The following SMYD3 variants were observed in gnomAD, a reference collection of about 807,000 sequenced individuals.
The protein encoded by SMYD3 is SET and MYND domain containing 3, also known as histone-lysine N-methyltransferase SMYD3.
In SMYD3, 36 loss-of-function variants were observed where a neutral mutation model predicts 57.7. That is an observed-to-expected ratio of 0.62 (90% CI 0.48 to 0.82). SMYD3 has a LOEUF of 0.82. Ranked by LOEUF, SMYD3 falls within the 40% of genes least tolerant of loss-of-function variation. SMYD3 has a pLI of 0.00. For synonymous variants in SMYD3, 211 were observed against 195.0 expected (o/e 1.08, Z -0.68); for missense variants, 515 against 538.8 (o/e 0.96, Z 0.44).
chr1:246,348,207 G>A (rs911480154), intron 2 of SMYD3, among the ~76,000 whole-genome samples: 4 of 151,692 alleles, frequency 2.6e-5, no homozygotes, highest in African/African-American at 9.7e-5. Flanking sequence ...CCTGAGGTCA[G>A]CAGTTCGAGA....
chr1:246,157,001 GC>G (rs34996644), intron 5 of SMYD3, among the ~76,000 whole-genome samples: 3,481 of 152,274 alleles, frequency 0.023, 204 homozygotes, highest in East Asian at 0.22. Flanking sequence ...AGGTACGAGG[GC>G]AAAGATGAAA....
chr1:246,323,057 G>T (rs752938962), intron 5 of SMYD3, among the ~76,000 whole-genome samples: 5 of 152,110 alleles, frequency 3.3e-5, no homozygotes, highest in Non-Finnish European at 5.9e-5. Context: ...GTATATCACT[G>T]TTTCCCAACA....
chr1:246,460,963 T>C (rs1190023383), intron 1 of SMYD3, among the ~76,000 whole-genome samples: 1 of 152,144 alleles, frequency 6.6e-6, no homozygotes, highest in East Asian at 1.9e-4. Context: ...ATCATAAGAG[T>C]ATCTATCAGC....
chr1:245,765,407 T>C (rs940005397), intron 10 of SMYD3, among the ~76,000 whole-genome samples: 27 of 151,930 alleles, frequency 1.8e-4, no homozygotes, highest in Non-Finnish European at 3.2e-4. Flanking sequence ...AAAAAGTTTT[T>C]TCCTTGAGGC....
intron 5 of SMYD3, among the ~76,000 whole-genome samples, chr1:246,282,998 C>T (rs1020686089): frequency 2.8e-4 from 42 of 152,148 alleles, no homozygotes; most frequent in African/African-American, 1.0e-3. Flanking sequence ...TCAGAGTGAT[C>T]GGAATTTAAC....
chr1:246,273,130 G>GT (rs1229300238), intron 5 of SMYD3, among the ~76,000 whole-genome samples: 2 of 63,546 alleles, frequency 3.1e-5, no homozygotes, highest in Non-Finnish European at 5.6e-5. Context: ...TAATGTCCCT[G>GT]TTTTCTTTTT....
chr1:245,953,504 T>A, intron 5 of SMYD3: 1 of 266,970 alleles, frequency 3.7e-6, no homozygotes, highest in Non-Finnish European at 6.0e-6. Context: ...CACTGCAAGC[T>A]CCGCCTCCTG....
chr1:246,287,415 T>TA (rs1331435106), intron 5 of SMYD3, among the ~76,000 whole-genome samples: 2 of 152,208 alleles, frequency 1.3e-5, no homozygotes, highest in South Asian at 4.1e-4. Context: ...TTATGTTTTC[T>TA]AAAAATGTGT....
chr1:245,812,883 G>A (rs906870738), intron 10 of SMYD3, among the ~76,000 whole-genome samples: 1 of 151,756 alleles, frequency 6.6e-6, no homozygotes, highest in Admixed American at 6.6e-5. Context: ...AGACTACTGT[G>A]GGTGAGTAAA....
At chr1:246,493,897 C>T (rs2068313873) in intron 1 of SMYD3, among the ~76,000 whole-genome samples, 1 of 152,236 alleles carries the variant, frequency 6.6e-6, no homozygotes, top group Non-Finnish European at 1.5e-5. Flanking sequence ...TTCACTGCTT[C>T]CTTGCCCTTT....
intron 5 of SMYD3, chr1:246,052,694 A>G (rs570274340): frequency 6.6e-6 from 1 of 152,346 alleles, no homozygotes; most frequent in East Asian, 1.9e-4. Flanking sequence ...ACTACTAGAG[A>G]CTAAGAGCAT....
In SMYD3 at chr1:246,346,940, C is replaced by T. The variant is rs2065730442; in HGVS notation, c.228+8091G>A. Among the ~76,000 whole-genome samples the T allele has an allele frequency of 2.0e-5, 3 of 152,100 alleles. No homozygotes were observed. The South Asian group carries it at 6.2e-4, about 32-fold the overall frequency. ...AGGATTCCAGTGGAAAAGGAGACAG[C>T]ATGCAAGAACAGACAGGGGATATAG... is the stretch of plus-strand genomic sequence containing the variant. On this transcript the variant is annotated intron_variant, in intron 2 of 11. Transcript: ENST00000490107.
intron 5 of SMYD3, among the ~76,000 whole-genome samples, chr1:245,950,607 G>A (rs979813038): frequency 6.6e-6 from 1 of 152,100 alleles, no homozygotes; most frequent in African/African-American, 2.4e-5. Flanking sequence ...ATAGTTCTTT[G>A]CTTTCACCAT....
rs1476692019 is a variant in SMYD3 at position 246,395,775 on chromosome 1, C to A, written c.165-40681G>T. On this transcript the variant is annotated intron_variant, in intron 1 of 11. Coordinates refer to ENST00000490107, the MANE Select transcript of SMYD3 (RefSeq NM_001167740.2). The stretch of plus-strand genomic sequence containing the variant: ...CCACAGTCAGACAGGGAAGAGGAAC[C>A]CACCATGGTCAGACAGGGAAGAGGA... 8.0e-5 allele frequency among the ~76,000 whole-genome samples: 12 copies of A among 149,700 alleles called. No homozygotes were observed. In the East Asian group the frequency reaches 2.4e-3, roughly 30 times the overall value.
In SMYD3 at chr1:246,378,741, A is replaced by ATATAATATATTATATATAATT. The variant is rs2066325884; in HGVS notation, c.165-23648_165-23647insAATTATATATAATATATTATA. 6.9e-5 allele frequency among the ~76,000 whole-genome samples: 7 copies of ATATAATATATTATATATAATT among 101,172 alleles called. No individual in the cohort carries two copies. In the South Asian group the frequency reaches 2.0e-3, roughly 28 times the overall value. The allele number at this position is 101,172 out of a possible 152,430, so 66.4% of individuals were successfully genotyped here. A position where few individuals can be genotyped will look rare whatever the true frequency, so the allele number is the denominator to read the frequency against. ...TATAATATATTATATATTATATATAATTATATATAATATATTTAATATATT... is the reference window on the plus strand; with the variant it reads ...TATAATATATTATATATTATATATAATATAATATATTATATATAATTTTATATATAATATATTTAATATATT... On this transcript the variant is annotated intron_variant, in intron 1 of 11. Coordinates refer to ENST00000490107, the MANE Select transcript of SMYD3 (RefSeq NM_001167740.2).
At chr1:246,299,709 A>G (rs1239127072) in intron 5 of SMYD3, among the ~76,000 whole-genome samples, 8 of 152,184 alleles carry the variant, frequency 5.3e-5, no homozygotes, top group Admixed American at 5.2e-4. Flanking sequence ...ACTGGAGGTC[A>G]TTATCCTTAG....
chr1:246,068,609 C>T lies in SMYD3; in HGVS notation c.532-138672G>A, dbSNP rs114113111. On this transcript the variant is annotated intron_variant, in intron 5 of 11. Transcript: ENST00000490107. ...CTGCAACCTGCTACCAGTCAAACCCCTACCACAGTTTCCTCATCTCGACAA... is the reference window on the plus strand; with the variant it reads ...CTGCAACCTGCTACCAGTCAAACCCTTACCACAGTTTCCTCATCTCGACAA... Among the ~76,000 whole-genome samples, 230 of 152,314 alleles carry T rather than the reference C, an allele frequency of 1.5e-3. 1 individual carries two copies. The highest frequency in any genetic ancestry group is 5.3e-3 in the African/African-American group (220 of 41,566).
chr1:246,378,015 A>G (rs2066308791), intron 1 of SMYD3, among the ~76,000 whole-genome samples: 1 of 152,170 alleles, frequency 6.6e-6, no homozygotes, highest in Non-Finnish European at 1.5e-5. Context: ...TCAGGGTTTG[A>G]GCATCTTTTC....
intron 1 of SMYD3, among the ~76,000 whole-genome samples, chr1:246,479,750 C>T (rs1558483649): frequency 6.6e-6 from 1 of 152,090 alleles, no homozygotes; most frequent in Non-Finnish European, 1.5e-5. Context: ...TCAAGCAATC[C>T]TCCCACCTCA....
Sources: gnomAD v4.1 joint callset for allele counts (sites outside exome capture counted in the v4.1 genomes callset) on GRCh38, gnomAD v4.1.1 for gene constraint, MANE v1.5 for transcripts, NCBI Gene and HGNC (gene_info 2026-07-23, HGNC 2026-07-21) for gene names.